Variants in ZNF141 observed in about 807,000 individuals in gnomAD.
The protein encoded by ZNF141 is zinc finger protein 141.
ZNF141 carries 7 observed loss-of-function variants against 11.3 expected under a neutral mutation model. The ratio of observed to expected loss-of-function variants is 0.62; its 90% CI spans 0.35 to 1.16. ZNF141 has a LOEUF of 1.16. Among genes scored for constraint, ZNF141 ranks in the 50% most tolerant of loss-of-function variants. ZNF141 has a pLI of 0.02. For missense variants in ZNF141, 535 were observed against 554.0 expected, an observed-to-expected ratio of 0.97 and a Z score of 0.34; for synonymous variants, 183 against 190.7, an observed-to-expected ratio of 0.96 and a Z score of 0.33.
rs143292326 is a variant in ZNF141 at position 380,633 on chromosome 4, CAA to C, written c.*6772_*6773del. Reference sequence around the variant, plus strand: ...TGCCATTGCACTCCAGCCTGGGTGACAAGAGCAAAACTCCATCCCCCCTGCCC... The same window carrying C: ...TGCCATTGCACTCCAGCCTGGGTGACGAGCAAAACTCCATCCCCCCTGCCC... On this transcript the variant is annotated 3_prime_UTR_variant, in exon 4 of 4. Coordinates refer to ENST00000240499, the MANE Select transcript of ZNF141 (RefSeq NM_003441.4). 0.039 allele frequency among the ~76,000 whole-genome samples: 5,842 copies of C among 149,760 alleles called. 358 individuals carry two copies. Among genetic ancestry groups the C allele is most frequent in the African/African-American group, 0.13 (5,352 of 40,210 alleles).
At chr4:351,799 CAGCCTGCTCAAATTAGACAGGGAAGG>C (rs1303883333) in intron 3 of ZNF141, among the ~76,000 whole-genome samples, 3 of 152,090 alleles carry the variant, frequency 2.0e-5, no homozygotes, top group African/African-American at 7.2e-5. Flanking sequence ...TCAGGTGTCT[CAGCCTGCTCAAATTAGACAGGGAAGG>C]AGCCCTGGAA....
At chr4:349,258 G>T (rs1553850080) in intron 3 of ZNF141, among the ~76,000 whole-genome samples, 1 of 150,886 alleles carries the variant, frequency 6.6e-6, no homozygotes, top group African/African-American at 2.4e-5. Flanking sequence ...ATAGAGTGAG[G>T]CCCTGTCTCA....
chr4:337,905 C>CT lies in ZNF141; in HGVS notation c.-78dup, dbSNP rs397794772. On this transcript the variant is annotated 5_prime_UTR_variant, in exon 1 of 4. Coordinates refer to ENST00000240499, the MANE Select transcript of ZNF141 (RefSeq NM_003441.4). ...GGAGGCCTTGGTGATTCGGCCACAG[C>CT]TCAGCCTCCGTCGCTCTGTGACCTG... 6 of 1,443,022 alleles carry CT rather than the reference C, an allele frequency of 4.2e-6. No individual in the cohort carries two copies. The highest frequency in any genetic ancestry group is 5.5e-6 in the Non-Finnish European group (6 of 1,097,556). The allele number at this position is 1,443,022 out of a possible 1,614,324, so 89.4% of individuals were successfully genotyped here.
At position 375,077 on chromosome 4, in the gene ZNF141, C is replaced by A. The variant is rs538405322; in HGVS notation, c.*1215C>A. The A allele has an allele frequency of 1.3e-5, 2 of 152,106 alleles. No homozygotes were observed. The highest frequency in any genetic ancestry group is 3.9e-4 in the East Asian group (2 of 5,188). The allele number at this position is 152,106 out of a possible 1,614,324, so 9.4% of individuals were successfully genotyped here. A position where few individuals can be genotyped will look rare whatever the true frequency, so the allele number is the denominator to read the frequency against. On this transcript the variant is annotated 3_prime_UTR_variant, in exon 4 of 4. Transcript: ENST00000240499. The stretch of plus-strand genomic sequence containing the variant: ...ATGCTCATCTTTTTGCACATGATAT[C>A]CTTTATATTCGAGAAAAGTTATAGA...
rs532091113 is a variant in ZNF141 at position 376,541 on chromosome 4, T to G, written c.*2679T>G. ...AGTATAATTATAATTCATACATTTA[T>G]GCATCCTGAATACTTCTAAAAAATG... is the stretch of plus-strand genomic sequence containing the variant. On this transcript the variant is annotated 3_prime_UTR_variant, in exon 4 of 4. Transcript: ENST00000240499. Among the ~76,000 whole-genome samples the G allele has an allele frequency of 2.0e-5, 3 of 152,120 alleles. No homozygotes were observed. Among genetic ancestry groups the G allele is most frequent in the Non-Finnish European group, 4.4e-5 (3 of 67,926 alleles).
In ZNF141 at chr4:374,990, A is replaced by G. The variant is rs1712293545; in HGVS notation, c.*1128A>G. 1 of 152,204 alleles carries G rather than the reference A, an allele frequency of 6.6e-6. No individual in the cohort carries two copies. The highest frequency in any genetic ancestry group is 2.4e-5 in the African/African-American group (1 of 41,464). 9.4% of individuals were successfully genotyped at this position (152,204 alleles called of 1,614,324 possible). A position where few individuals can be genotyped will look rare whatever the true frequency, so the allele number is the denominator to read the frequency against. ...AAATGCTTGTCACATCTTACTGTAT[A>G]TATATAATTCCTACTGAAGAAATCC... On this transcript the variant is annotated 3_prime_UTR_variant, in exon 4 of 4. Coordinates refer to ENST00000240499, the MANE Select transcript of ZNF141 (RefSeq NM_003441.4).
At chr4:347,408 C>T (rs1265886496) in intron 3 of ZNF141, among the ~76,000 whole-genome samples, 2 of 146,332 alleles carry the variant, frequency 1.4e-5, no homozygotes, top group African/African-American at 2.6e-5. Context: ...GGCAGGATCT[C>T]GGCTCACTGC....
rs1453243600 is a variant in ZNF141, at chr4:382,654, G to A, written c.*8792G>A. 6.5e-6 allele frequency: 1 copy of A among 152,694 alleles called. No homozygotes were observed. The highest frequency in any genetic ancestry group is 1.5e-5 in the Non-Finnish European group (1 of 68,420). The allele number at this position is 152,694 out of a possible 1,614,324, so 9.5% of individuals were successfully genotyped here. A position where few individuals can be genotyped will look rare whatever the true frequency, so the allele number is the denominator to read the frequency against. ...AGAGACTTCAGAACCATTCCCTGGA[G>A]TGAATTATTTCCAATGGTGAAGAGT... On this transcript the variant is annotated 3_prime_UTR_variant, in exon 4 of 4. Transcript: ENST00000240499.
chr4:359,349 T>C (rs530039061), intron 3 of ZNF141, among the ~76,000 whole-genome samples: 3 of 152,268 alleles, frequency 2.0e-5, no homozygotes, highest in Non-Finnish European at 2.9e-5. Flanking sequence ...ATACAATAAA[T>C]ATGAGTAGGT....
At chr4:370,968 C>G (rs1205136844) in intron 3 of ZNF141, among the ~76,000 whole-genome samples, 3 of 151,752 alleles carry the variant, frequency 2.0e-5, no homozygotes, top group Non-Finnish European at 2.9e-5. Flanking sequence ...TCCTGACCTC[C>G]TGATCCACCA....
chr4:353,753 C>G (rs1721717940), intron 3 of ZNF141, among the ~76,000 whole-genome samples: 1 of 152,128 alleles, frequency 6.6e-6, no homozygotes, highest in Non-Finnish European at 1.5e-5. Context: ...TGAGCCACCA[C>G]TCCCCGCTGA....
rs1454378572 is a variant in ZNF141, at chr4:381,695, C to G, written c.*7833C>G. ...AAGTGCTGGGATTACAGGCGTGAGC[C>G]ACCATGCCCTCAAATATGCTTTCTT... On this transcript the variant is annotated 3_prime_UTR_variant, in exon 4 of 4. Transcript: ENST00000240499. 6.6e-6 allele frequency among the ~76,000 whole-genome samples: 1 copy of G among 151,974 alleles called. No homozygotes were observed. The highest frequency in any genetic ancestry group is 1.5e-5 in the Non-Finnish European group (1 of 67,996).
chr4:346,508 A>G (rs1553849525), intron 3 of ZNF141, among the ~76,000 whole-genome samples: 2 of 152,336 alleles, frequency 1.3e-5, no homozygotes, highest in Non-Finnish European at 1.5e-5. Flanking sequence ...TAAAGCATAC[A>G]TTATAGTATT....
At chr4:362,526 T>G (rs145824198) in intron 3 of ZNF141, among the ~76,000 whole-genome samples, 1 of 152,236 alleles carries the variant, frequency 6.6e-6, no homozygotes, top group Non-Finnish European at 1.5e-5. Context: ...AACATTTAAG[T>G]CTTTAATCCA....
chr4:364,578 C>T (rs1711635733), intron 3 of ZNF141, among the ~76,000 whole-genome samples: 1 of 152,094 alleles, frequency 6.6e-6, no homozygotes, highest in Non-Finnish European at 1.5e-5. Context: ...TGATTCTTCT[C>T]TCTTTTCTTC....
At position 372,843 on chromosome 4, in the gene ZNF141, T is replaced by A. The variant is rs1227844201; in HGVS notation, c.406T>A (p.Cys136Ser). Reference sequence around the variant, plus strand: ...AGGAGGTTATAATGAATTTAATGAATGCTTGTCAACTACCCAGAGCAAAAT... The same window carrying A: ...AGGAGGTTATAATGAATTTAATGAAAGCTTGTCAACTACCCAGAGCAAAAT... ...QKGGYNEFNE[C>S]LSTTQSKILQ... is the part of the protein sequence containing the mutation. Residue 136 changes from cysteine to serine, a missense_variant, in exon 4 of 4, where the codon TGC becomes AGC. Physicochemically the swap from Cys to Ser is moderately radical, Grantham distance 112. Transcript: ENST00000240499. 2 of 1,612,858 alleles carry A rather than the reference T, an allele frequency of 1.2e-6. No individual in the cohort carries two copies. The highest frequency in any genetic ancestry group is 1.7e-6 in the Non-Finnish European group (2 of 1,179,210).
chr4:364,074 G>A (rs1444339110), intron 3 of ZNF141, among the ~76,000 whole-genome samples: 1 of 152,168 alleles, frequency 6.6e-6, no homozygotes, highest in Non-Finnish European at 1.5e-5. Context: ...TTTTTGAAGT[G>A]CTGCTGGATT....
Position 337,909 on chromosome 4 carries a change from G to C in ZNF141, c.-75G>C, listed in dbSNP as rs368664197. On this transcript the variant is annotated 5_prime_UTR_variant, in exon 1 of 4. Coordinates refer to ENST00000240499, the MANE Select transcript of ZNF141 (RefSeq NM_003441.4). ...GCCTTGGTGATTCGGCCACAGCTCA[G>C]CCTCCGTCGCTCTGTGACCTGCGGG... 3 of 1,594,610 alleles carry C rather than the reference G, an allele frequency of 1.9e-6. No individual in the cohort carries two copies. The highest frequency in any genetic ancestry group is 1.3e-5 in the African/African-American group (1 of 74,206).
At chr4:363,702 G>C (rs902927088) in intron 3 of ZNF141, among the ~76,000 whole-genome samples, 3 of 151,294 alleles carry the variant, frequency 2.0e-5, no homozygotes, top group African/African-American at 7.3e-5. Context: ...AGCTTGCAGT[G>C]AGCCAAGATC....
Sources: gnomAD v4.1 joint callset for allele counts (sites outside exome capture counted in the v4.1 genomes callset) on GRCh38, gnomAD v4.1.1 for gene constraint, MANE v1.5 for transcripts, NCBI Gene and HGNC (gene_info 2026-07-23, HGNC 2026-07-21) for gene names.